SLC16A10: variants seen among roughly 807,000 people sequenced by gnomAD.
The protein encoded by SLC16A10 is monocarboxylate transporter 10.
A neutral mutation model predicts 40.0 loss-of-function variants in SLC16A10; 27 were observed. That is an observed-to-expected ratio of 0.67 (90% CI 0.50 to 0.93). SLC16A10 has a LOEUF of 0.93. Among genes scored for constraint, SLC16A10 ranks in the 40% least tolerant of loss-of-function variants. SLC16A10 has a pLI of 0.00. For synonymous variants in SLC16A10, 213 were observed against 249.8 expected (o/e 0.85, Z 1.39); for missense variants, 529 against 658.2 (o/e 0.80, Z 2.15).
intron 3 of SLC16A10, among the ~76,000 whole-genome samples, chr6:111,199,101 A>G (rs931724239): frequency 3.3e-5 from 5 of 152,328 alleles, no homozygotes; most frequent in Admixed American, 2.0e-4. Context: ...CCAGGAACCA[A>G]GGATCTGAGA....
At chr6:111,136,079 G>A (rs995317815) in intron 1 of SLC16A10, among the ~76,000 whole-genome samples, 33 of 152,118 alleles carry the variant, frequency 2.2e-4, no homozygotes, top group Non-Finnish European at 3.7e-4. Context: ...TCCCAAGTAC[G>A]GCAAAATAGC....
At position 111,088,222 on chromosome 6, in the gene SLC16A10, G is replaced by GC. The variant is rs956967697; in HGVS notation, c.343+128dup. ...TGGGTCCCTGTGCCAGAGGGTGCGA[G>GC]CAGGGGGGTCTTTCGAGTTGCAGAC... is the stretch of plus-strand genomic sequence containing the variant. On this transcript the variant is annotated intron_variant, in intron 1 of 5. Coordinates refer to ENST00000368851, the MANE Select transcript of SLC16A10 (RefSeq NM_018593.5). 7 of 922,162 alleles carry GC rather than the reference G, an allele frequency of 7.6e-6. No individual in the cohort carries two copies. In the Admixed American group the frequency reaches 2.3e-4, roughly 30 times the overall value. 57.1% of individuals were successfully genotyped at this position (922,162 alleles called of 1,614,324 possible).
At chr6:111,096,483 G>A (rs574765967) in intron 1 of SLC16A10, among the ~76,000 whole-genome samples, 6 of 149,696 alleles carry the variant, frequency 4.0e-5, no homozygotes, top group Admixed American at 2.0e-4. Flanking sequence ...TGGGAACTGC[G>A]CAGACCCACC....
chr6:111,209,871 C>T (rs1292228811), intron 4 of SLC16A10, among the ~76,000 whole-genome samples: 1 of 152,034 alleles, frequency 6.6e-6, no homozygotes, highest in Non-Finnish European at 1.5e-5. Flanking sequence ...TGATCATGAT[C>T]ATTTGAACAA....
At chr6:111,092,766 G>T (rs541640627) in intron 1 of SLC16A10, among the ~76,000 whole-genome samples, 3 of 151,960 alleles carry the variant, frequency 2.0e-5, no homozygotes, top group South Asian at 4.1e-4. Flanking sequence ...TGGGCTGGGC[G>T]CAGTGGCTCA....
intron 1 of SLC16A10, among the ~76,000 whole-genome samples, chr6:111,132,472 C>T (rs112287948): frequency 6.6e-6 from 1 of 152,272 alleles, no homozygotes; most frequent in African/African-American, 2.4e-5. Flanking sequence ...ATCCGTAACC[C>T]AGTAACACGT....
chr6:111,129,129 T>C (rs1771737156), intron 1 of SLC16A10, among the ~76,000 whole-genome samples: 1 of 152,238 alleles, frequency 6.6e-6, no homozygotes, highest in South Asian at 2.1e-4. Flanking sequence ...ATGAAAAGGT[T>C]ACGAGGCATT....
chr6:111,172,911 A>G (rs1338535248), intron 2 of SLC16A10, 72 bp downstream of exon 2: 14 of 1,531,328 alleles, frequency 9.1e-6, no homozygotes, highest in South Asian at 1.3e-5. Context: ...TTCAGAAACT[A>G]TGCTATTTAC....
chr6:111,143,846 G>C (rs969667660), intron 1 of SLC16A10, among the ~76,000 whole-genome samples: 4 of 152,096 alleles, frequency 2.6e-5, no homozygotes, highest in Non-Finnish European at 5.9e-5. Context: ...CTTTGGGGCT[G>C]GGCATGGTGA....
intron 3 of SLC16A10, among the ~76,000 whole-genome samples, chr6:111,188,743 C>G (rs2114562197): frequency 6.6e-6 from 1 of 152,166 alleles, no homozygotes; most frequent in East Asian, 1.9e-4. Flanking sequence ...GAAATGTTTC[C>G]TTTATTCATT....
intron 1 of SLC16A10, among the ~76,000 whole-genome samples, chr6:111,166,473 A>G (rs1021286488): frequency 6.7e-6 from 1 of 149,572 alleles, no homozygotes; most frequent in Non-Finnish European, 1.5e-5. Context: ...CAAATTATAT[A>G]TATATTTGCA....
rs1770961101 is a variant in SLC16A10 at position 111,224,794 on chromosome 6, A to G, written c.*2559A>G. 2 of 152,242 alleles carry G rather than the reference A, an allele frequency of 1.3e-5. No homozygotes were observed. The highest frequency in any genetic ancestry group is 2.1e-4 in the South Asian group (1 of 4,836). 9.4% of individuals were successfully genotyped at this position (152,242 alleles called of 1,614,324 possible). A position where few individuals can be genotyped will look rare whatever the true frequency, so the allele number is the denominator to read the frequency against. Reference sequence around the variant, plus strand: ...AATCTAGTCAAACTAAATCCTTTCTAATTTCTGAATGAAGTGTTACTGCTG... The same window carrying G: ...AATCTAGTCAAACTAAATCCTTTCTGATTTCTGAATGAAGTGTTACTGCTG... On this transcript the variant is annotated 3_prime_UTR_variant, in exon 6 of 6. Coordinates refer to ENST00000368851, the MANE Select transcript of SLC16A10 (RefSeq NM_018593.5).
rs955009522 is a variant in SLC16A10, at chr6:111,141,424, A to G, written c.344-31271A>G. On this transcript the variant is annotated intron_variant, in intron 1 of 5. Coordinates refer to ENST00000368851, the MANE Select transcript of SLC16A10 (RefSeq NM_018593.5). ...ACGCCTGTAATCCCAGCACTTTGGG[A>G]GGCCAAGGCAGGCGGATCACCTGGG... is the stretch of plus-strand genomic sequence containing the variant. Among the ~76,000 whole-genome samples, 5 of 152,360 alleles carry G rather than the reference A, an allele frequency of 3.3e-5. No homozygotes were observed. In the East Asian group the frequency reaches 9.7e-4, roughly 29 times the overall value.
chr6:111,176,318 T>C (rs1484928607), intron 2 of SLC16A10, among the ~76,000 whole-genome samples: 1 of 152,248 alleles, frequency 6.6e-6, no homozygotes, highest in Non-Finnish European at 1.5e-5. Context: ...ACTTTAATCT[T>C]ACTTTCTAAC....
At chr6:111,129,583 TA>T (rs1583317844) in intron 1 of SLC16A10, among the ~76,000 whole-genome samples, 1 of 152,250 alleles carries the variant, frequency 6.6e-6, no homozygotes, top group Non-Finnish European at 1.5e-5. Flanking sequence ...AAATTCAGTT[TA>T]ACTCAAAGTG....
At chr6:111,092,776 A>T (rs995284778) in intron 1 of SLC16A10, among the ~76,000 whole-genome samples, 6 of 151,904 alleles carry the variant, frequency 3.9e-5, no homozygotes, top group African/African-American at 1.4e-4. Flanking sequence ...GCAGTGGCTC[A>T]TGCCTGTAAT....
intron 3 of SLC16A10, chr6:111,178,291 T>C (rs1344905116): frequency 1.1e-5 from 5 of 472,860 alleles, no homozygotes; most frequent in African/African-American, 2.0e-5. Flanking sequence ...TTCAGAGGAA[T>C]ATCTGAGAAA....
At chr6:111,137,560 A>G (rs571903913) in intron 1 of SLC16A10, among the ~76,000 whole-genome samples, 4 of 152,220 alleles carry the variant, frequency 2.6e-5, no homozygotes, top group Admixed American at 6.5e-5. Flanking sequence ...CTATGACTCA[A>G]ATCTACCGCG....
intron 1 of SLC16A10, among the ~76,000 whole-genome samples, chr6:111,168,710 T>C (rs1772524716): frequency 6.6e-6 from 1 of 152,208 alleles, no homozygotes; most frequent in South Asian, 2.1e-4. Context: ...CAATTACTAT[T>C]GTAACAAAAT....
Sources: gnomAD v4.1 joint callset for allele counts (sites outside exome capture counted in the v4.1 genomes callset) on GRCh38, gnomAD v4.1.1 for gene constraint, MANE v1.5 for transcripts, NCBI Gene and HGNC (gene_info 2026-07-23, HGNC 2026-07-21) for gene names.